DLG2: variants seen among roughly 807,000 people sequenced by gnomAD.
DLG2 encodes disks large homolog 2.
DLG2 carries 45 observed loss-of-function variants against 132.5 expected under a neutral mutation model. That is an observed-to-expected ratio of 0.34 (90% CI 0.27 to 0.44). The LOEUF (loss-of-function observed/expected upper bound fraction) is 0.44. DLG2 is among the 20% of genes least tolerant of loss of function. The pLI is 1.00. For missense variants in DLG2, 1,045 were observed against 1,196.9 expected, an observed-to-expected ratio of 0.87 and a Z score of 1.87; for synonymous variants, 424 against 419.6, an observed-to-expected ratio of 1.01 and a Z score of -0.13.
chr11:84,789,871 A>G (rs73514918), intron 6 of DLG2, among the ~76,000 whole-genome samples: 2,855 of 152,274 alleles, frequency 0.019, 94 homozygotes, highest in African/African-American at 0.065. Context: ...TTCACTTAAT[A>G]TAATGACCTC....
At chr11:85,355,467 C>A (rs1018261305) in intron 3 of DLG2, among the ~76,000 whole-genome samples, 1 of 152,008 alleles carries the variant, frequency 6.6e-6, no homozygotes, top group Non-Finnish European at 1.5e-5. Context: ...TATCAAGATT[C>A]TTCCTAAATT....
At chr11:85,498,095 T>G (rs1204752612) in intron 3 of DLG2, among the ~76,000 whole-genome samples, 2 of 152,206 alleles carry the variant, frequency 1.3e-5, no homozygotes, top group Non-Finnish European at 2.9e-5. Context: ...ACCTTAAATG[T>G]AAATGGGCTA....
At chr11:84,982,658 C>T (rs1284628205) in intron 6 of DLG2, among the ~76,000 whole-genome samples, 2 of 152,024 alleles carry the variant, frequency 1.3e-5, no homozygotes, top group Admixed American at 6.6e-5. Flanking sequence ...TGATACTACT[C>T]TGGGTAGATG....
In DLG2 at chr11:84,621,796, G is replaced by A. The variant is rs146830440; in HGVS notation, c.358-87065C>T. ...AACTGTGTCATAGGAATAGCGCAAG[G>A]GTAAGAGTGTGTGGCTGTAAGATGC... is the stretch of plus-strand genomic sequence containing the variant. On this transcript the variant is annotated intron_variant, in intron 6 of 27. Coordinates refer to ENST00000376104, the MANE Select transcript of DLG2 (RefSeq NM_001142699.3). Among the ~76,000 whole-genome samples the A allele has an allele frequency of 1.3e-3, 203 of 152,230 alleles. 3 individuals are homozygous for A. The highest frequency in any genetic ancestry group is 4.6e-3 in the African/African-American group (193 of 41,544).
At chr11:84,491,822 T>C (rs1030885165) in intron 7 of DLG2, among the ~76,000 whole-genome samples, 5 of 152,202 alleles carry the variant, frequency 3.3e-5, no homozygotes, top group African/African-American at 1.2e-4. Context: ...ACACTGTGAA[T>C]GTTAAACATG....
intron 6 of DLG2, among the ~76,000 whole-genome samples, chr11:84,652,843 A>C (rs1172871615): frequency 6.6e-6 from 1 of 152,170 alleles, no homozygotes; most frequent in African/African-American, 2.4e-5. Context: ...GAACCTGGAT[A>C]TAAATCTAGG....
chr11:83,942,267 A>T (rs1055355246), intron 14 of DLG2, among the ~76,000 whole-genome samples: 1 of 152,212 alleles, frequency 6.6e-6, no homozygotes, highest in Non-Finnish European at 1.5e-5. Context: ...GGCATTAAAA[A>T]CTTTCCTATG....
intron 7 of DLG2, among the ~76,000 whole-genome samples, chr11:84,305,720 G>A (rs1345212184): frequency 1.3e-5 from 2 of 152,068 alleles, no homozygotes; most frequent in African/African-American, 2.4e-5. Context: ...GATAGGTAAT[G>A]AGGAATGATA....
chr11:84,818,143 C>T (rs2077269447), intron 6 of DLG2, among the ~76,000 whole-genome samples: 1 of 151,990 alleles, frequency 6.6e-6, no homozygotes. Context: ...AGGAGAATGA[C>T]TTCAAGGCAC....
intron 9 of DLG2, among the ~76,000 whole-genome samples, chr11:84,124,368 T>C (rs2094066231): frequency 6.6e-6 from 1 of 152,222 alleles, no homozygotes; most frequent in Non-Finnish European, 1.5e-5. Flanking sequence ...ACCTCACAGG[T>C]TGTAAGATCC....
intron 3 of DLG2, among the ~76,000 whole-genome samples, chr11:85,423,533 G>T (rs2090481931): frequency 6.6e-6 from 1 of 152,188 alleles, no homozygotes; most frequent in Admixed American, 6.5e-5. Flanking sequence ...AGGGTGGGTA[G>T]GGAAGAACCA....
At chr11:83,583,692 T>C (rs1161543410) in intron 19 of DLG2, among the ~76,000 whole-genome samples, 1 of 152,246 alleles carries the variant, frequency 6.6e-6, no homozygotes, top group Non-Finnish European at 1.5e-5. Context: ...TTCTGGACGA[T>C]AAGTTTCTTG....
At chr11:84,959,297 G>A (rs1304063721) in intron 6 of DLG2, among the ~76,000 whole-genome samples, 1 of 152,146 alleles carries the variant, frequency 6.6e-6, no homozygotes, top group Non-Finnish European at 1.5e-5. Context: ...ATTCTCCACA[G>A]AATGATTCAA....
chr11:83,597,623 C>CAA (rs771474125), intron 19 of DLG2, among the ~76,000 whole-genome samples: 3 of 125,076 alleles, frequency 2.4e-5, no homozygotes, highest in African/African-American at 9.2e-5. Context: ...CATCTCTACC[C>CAA]CAAAAAAAAA....
chr11:85,019,999 G>T (rs1235197492), intron 6 of DLG2, among the ~76,000 whole-genome samples: 1 of 152,108 alleles, frequency 6.6e-6, no homozygotes, highest in African/African-American at 2.4e-5. Flanking sequence ...GGGATGGCTG[G>T]GTCAAATGGT....
intron 7 of DLG2, among the ~76,000 whole-genome samples, chr11:84,445,915 C>CA (rs58758315): frequency 0.18 from 10,488 of 59,376 alleles, 1,052 homozygotes; most frequent in Non-Finnish European, 0.25. Flanking sequence ...GACTTCGCCT[C>CA]AAAAAAAAAA....
At chr11:84,835,595 C>G (rs1017576623) in intron 6 of DLG2, among the ~76,000 whole-genome samples, 2 of 151,698 alleles carry the variant, frequency 1.3e-5, no homozygotes, top group Non-Finnish European at 2.9e-5. Context: ...CTAAATCTTG[C>G]CTATTGAACA....
chr11:84,224,547 GGCACTTTTCTCAATAT>G (rs1284587901), intron 8 of DLG2, among the ~76,000 whole-genome samples: 1 of 152,136 alleles, frequency 6.6e-6, no homozygotes, highest in African/African-American at 2.4e-5. Flanking sequence ...CTATGTGCCA[GGCACTTTTCTCAATAT>G]TTTATACATA....
chr11:84,925,231 G>T (rs868386441), intron 6 of DLG2, among the ~76,000 whole-genome samples: 1 of 152,024 alleles, frequency 6.6e-6, no homozygotes, highest in Non-Finnish European at 1.5e-5. Flanking sequence ...AAAAAGAACT[G>T]GAAAATGTTA....
Sources: gnomAD v4.1 joint callset for allele counts (sites outside exome capture counted in the v4.1 genomes callset) on GRCh38, gnomAD v4.1.1 for gene constraint, MANE v1.5 for transcripts, NCBI Gene and HGNC (gene_info 2026-07-23, HGNC 2026-07-21) for gene names.